Variants in KHDRBS2 observed in about 807,000 individuals in gnomAD.
KHDRBS2 encodes KH domain-containing, RNA-binding, signal transduction-associated protein 2.
Under a neutral mutation model 44.3 loss-of-function variants are expected in KHDRBS2, and 26 were observed. The ratio of observed to expected loss-of-function variants is 0.59; its 90% CI spans 0.43 to 0.81. The LOEUF is 0.81. Ranked by LOEUF, KHDRBS2 falls within the 40% of genes least tolerant of loss-of-function variation. The pLI, the probability that KHDRBS2 is intolerant of heterozygous loss-of-function variation, is 0.00. For missense variants in KHDRBS2, 476 were observed against 433.1 expected (o/e 1.10, Z -0.88); for synonymous variants, 194 against 151.1 (o/e 1.28, Z -2.08).
the KHDRBS2 span, among the ~76,000 whole-genome samples, chr6:61,558,953 A>T: frequency 7.1e-6 from 1 of 141,174 alleles, no homozygotes; most frequent in Non-Finnish European, 1.6e-5. Context: ...AGTGTAGATT[A>T]AGTGTGGTGT....
Position 62,180,506 on chromosome 6 carries a change from C to T in KHDRBS2, c.92-3194G>A, listed in dbSNP as rs368430708. Among the ~76,000 whole-genome samples the T allele has an allele frequency of 2.1e-3, 316 of 151,598 alleles. 7 individuals are homozygous for T. In the South Asian group the frequency reaches 0.051, roughly 25 times the overall value. On this transcript the variant is annotated intron_variant, in intron 1 of 8. Coordinates refer to ENST00000281156, the MANE Select transcript of KHDRBS2 (RefSeq NM_152688.4). Reference sequence around the variant, plus strand: ...TAGTTAAGCTGGTTAACGACTTGTACGCTGAAAACCAAAAGCATTGATGAA... The same window carrying T: ...TAGTTAAGCTGGTTAACGACTTGTATGCTGAAAACCAAAAGCATTGATGAA...
At chr6:61,990,551 A>G (rs1351012381) in intron 3 of KHDRBS2, among the ~76,000 whole-genome samples, 4 of 152,168 alleles carry the variant, frequency 2.6e-5, no homozygotes, top group Non-Finnish European at 5.9e-5. Context: ...AGAACTACAA[A>G]GAAAAAAATC....
chr6:61,628,231 TTTTTTTTTTTC>T, the KHDRBS2 span, among the ~76,000 whole-genome samples: 4 of 95,294 alleles, frequency 4.2e-5, no homozygotes, highest in Admixed American at 1.2e-4. Flanking sequence ...TTTTTTTTTT[TTTTTTTTTTTC>T]AACCTGGGCT....
chr6:61,749,772 C>G (rs1460386208), intron 6 of KHDRBS2, among the ~76,000 whole-genome samples: 2 of 152,132 alleles, frequency 1.3e-5, no homozygotes, highest in African/African-American at 2.4e-5. Context: ...CGAACAATAT[C>G]TAAGAGCAAT....
At chr6:62,075,400 T>C (rs1796132989) in intron 2 of KHDRBS2, among the ~76,000 whole-genome samples, 1 of 151,922 alleles carries the variant, frequency 6.6e-6, no homozygotes, top group African/African-American at 2.4e-5. Flanking sequence ...CTGTGAGCAA[T>C]AAATTTTGTT....
At chr6:61,642,407 G>A in the KHDRBS2 span, among the ~76,000 whole-genome samples, 1 of 151,142 alleles carries the variant, frequency 6.6e-6, no homozygotes, top group Non-Finnish European at 1.5e-5. Flanking sequence ...TATAATCCCA[G>A]CACTTTTGGA....
chr6:61,584,260 G>A, the KHDRBS2 span, among the ~76,000 whole-genome samples: 1 of 151,788 alleles, frequency 6.6e-6, no homozygotes. Flanking sequence ...TTAAATAGAA[G>A]TGATGAAAGT....
At chr6:62,211,800 T>G (rs889782979) in intron 1 of KHDRBS2, among the ~76,000 whole-genome samples, 1 of 152,148 alleles carries the variant, frequency 6.6e-6, no homozygotes, top group African/African-American at 2.4e-5. Context: ...CCAATTCTAT[T>G]TCTGGGTATA....
intron 2 of KHDRBS2, among the ~76,000 whole-genome samples, chr6:62,164,572 T>C (rs1337020329): frequency 1.3e-4 from 19 of 151,884 alleles, no homozygotes; most frequent in Admixed American, 1.2e-3. Flanking sequence ...CATTTATTTA[T>C]ATGTAAATGT....
intron 8 of KHDRBS2, among the ~76,000 whole-genome samples, chr6:61,694,751 T>C (rs2127543070): frequency 6.6e-6 from 1 of 152,126 alleles, no homozygotes; most frequent in Middle Eastern, 3.4e-3. Flanking sequence ...CTTTGACCCC[T>C]TCCTTCCAAT....
intron 6 of KHDRBS2, among the ~76,000 whole-genome samples, chr6:61,744,475 G>C (rs868389635): frequency 5.3e-5 from 8 of 152,086 alleles, no homozygotes; most frequent in Non-Finnish European, 1.2e-4. Flanking sequence ...AGAGTAATTA[G>C]GGCCTTGTAT....
chr6:61,734,053 C>T (rs1369635320), intron 6 of KHDRBS2, among the ~76,000 whole-genome samples: 1 of 152,116 alleles, frequency 6.6e-6, no homozygotes, highest in Non-Finnish European at 1.5e-5. Flanking sequence ...CACTTTTAAG[C>T]CCATTTAATG....
At chr6:61,722,369 A>T (rs993857006) in intron 7 of KHDRBS2, among the ~76,000 whole-genome samples, 5 of 152,132 alleles carry the variant, frequency 3.3e-5, no homozygotes, top group African/African-American at 1.2e-4. Context: ...ATTAATTAAA[A>T]TTGTTATAGC....
At chr6:62,115,031 G>T (rs185776730) in intron 2 of KHDRBS2, among the ~76,000 whole-genome samples, 1 of 152,192 alleles carries the variant, frequency 6.6e-6, no homozygotes, top group African/African-American at 2.4e-5. Context: ...CTATTTATCA[G>T]TTGTCAACCT....
intron 4 of KHDRBS2, among the ~76,000 whole-genome samples, chr6:61,955,757 G>A (rs1323010171): frequency 2.6e-5 from 4 of 151,516 alleles, no homozygotes; most frequent in Non-Finnish European, 5.9e-5. Context: ...GACAGACAGA[G>A]AGAGAGAATG....
At chr6:61,699,712 A>G (rs1293304024) in intron 7 of KHDRBS2, among the ~76,000 whole-genome samples, 3 of 152,180 alleles carry the variant, frequency 2.0e-5, no homozygotes, top group Middle Eastern at 3.4e-3. Context: ...AAAAGTCTAT[A>G]TATCAGAGAT....
At chr6:62,151,139 G>A (rs9454466) in intron 2 of KHDRBS2, among the ~76,000 whole-genome samples, 6,600 of 152,090 alleles carry the variant, frequency 0.043, 468 homozygotes, top group African/African-American at 0.15. Flanking sequence ...ATGTACTATC[G>A]ATCACATACT....
intron 2 of KHDRBS2, among the ~76,000 whole-genome samples, chr6:62,097,891 T>C (rs776897502): frequency 1.3e-5 from 2 of 152,104 alleles, no homozygotes; most frequent in African/African-American, 2.4e-5. Flanking sequence ...GTATCTGTTA[T>C]AGGTTTTTGC....
At chr6:61,612,802 C>CA in the KHDRBS2 span, among the ~76,000 whole-genome samples, 1 of 150,544 alleles carries the variant, frequency 6.6e-6, no homozygotes, top group African/African-American at 2.5e-5. Context: ...ACCTCTTCTC[C>CA]ATAGGCAAAG....
Sources: gnomAD v4.1 joint callset for allele counts (sites outside exome capture counted in the v4.1 genomes callset) on GRCh38, gnomAD v4.1.1 for gene constraint, MANE v1.5 for transcripts, NCBI Gene and HGNC (gene_info 2026-07-23, HGNC 2026-07-21) for gene names.